Variants in CCDC178 observed in about 807,000 individuals in gnomAD.
CCDC178 encodes coiled-coil domain-containing protein 178.
In CCDC178, 126 loss-of-function variants were observed where a neutral mutation model predicts 117.4. That is an observed-to-expected ratio of 1.07 (90% CI 0.93 to 1.24). The LOEUF (loss-of-function observed/expected upper bound fraction) is 1.24, where lower values mean the gene tolerates loss of function less well. CCDC178 is among the 50% of genes most tolerant of loss of function. The pLI is 0.00. For synonymous variants in CCDC178, 283 were observed against 313.4 expected (o/e 0.90, Z 1.02); for missense variants, 1,030 against 986.9 (o/e 1.04, Z -0.59).
At chr18:33,308,987 A>G (rs1386303517) in intron 11 of CCDC178, among the ~76,000 whole-genome samples, 1 of 152,208 alleles carries the variant, frequency 6.6e-6, no homozygotes, top group Non-Finnish European at 1.5e-5. Flanking sequence ...TAATACAGTA[A>G]GCTTTGATAA....
intron 20 of CCDC178, among the ~76,000 whole-genome samples, chr18:33,182,397 T>G (rs2058742043): frequency 6.6e-6 from 1 of 152,028 alleles, no homozygotes; most frequent in South Asian, 2.1e-4. Context: ...AAGATTACAT[T>G]TTAAAAAATC....
At chr18:33,061,143 C>T (rs1204551417) in intron 21 of CCDC178, among the ~76,000 whole-genome samples, 1 of 151,914 alleles carries the variant, frequency 6.6e-6, no homozygotes, top group Non-Finnish European at 1.5e-5. Flanking sequence ...AATTTTTAAC[C>T]AACAGTTTTA....
At chr18:33,214,548 G>A (rs2059143280) in intron 19 of CCDC178, among the ~76,000 whole-genome samples, 1 of 151,904 alleles carries the variant, frequency 6.6e-6, no homozygotes, top group Non-Finnish European at 1.5e-5. Flanking sequence ...TAATTTTAAT[G>A]TAAGTTATAT....
intron 5 of CCDC178, among the ~76,000 whole-genome samples, chr18:33,386,875 C>T (rs971227792): frequency 5.3e-5 from 8 of 151,672 alleles, no homozygotes; most frequent in African/African-American, 1.7e-4. Flanking sequence ...AGGGCAATCA[C>T]GTAAGGGAAA....
rs564997719 is a variant in CCDC178, at chr18:33,386,117, T to C, written c.208+3423A>G. Among the ~76,000 whole-genome samples, 9 of 152,296 alleles carry C rather than the reference T, an allele frequency of 5.9e-5. No individual in the cohort carries two copies. The South Asian group carries it at 1.7e-3, about 28-fold the overall frequency. On this transcript the variant is annotated intron_variant, in intron 5 of 22. Coordinates refer to ENST00000383096, the MANE Select transcript of CCDC178 (RefSeq NM_001105528.4). ...AATCTACAAGAAATGGATACATTCC[T>C]GGACACATACACCCTCCCAGGTCGG...
chr18:33,060,151 A>G (rs964825121), intron 21 of CCDC178, among the ~76,000 whole-genome samples: 1 of 152,090 alleles, frequency 6.6e-6, no homozygotes. Context: ...GAATTCTGTT[A>G]TTTCCTAAAG....
At chr18:32,950,128 T>G (rs2054448062) in intron 22 of CCDC178, among the ~76,000 whole-genome samples, 1 of 152,192 alleles carries the variant, frequency 6.6e-6, no homozygotes. Flanking sequence ...GGTAGTTTTC[T>G]TAGAAGCATT....
intron 6 of CCDC178, among the ~76,000 whole-genome samples, chr18:33,359,659 T>C (rs965759684): frequency 6.6e-6 from 1 of 151,692 alleles, no homozygotes; most frequent in Non-Finnish European, 1.5e-5. Context: ...ATTTGTGTTA[T>C]GTAGATGCTT....
Position 33,048,463 on chromosome 18 carries a change from G to T in CCDC178, c.2388+44298C>A, listed in dbSNP as rs551237591. Among the ~76,000 whole-genome samples, 3 of 152,210 alleles carry T rather than the reference G, an allele frequency of 2.0e-5. No homozygotes were observed. In the East Asian group the frequency reaches 5.8e-4, roughly 29 times the overall value. ...AATAATTTCTTTCCATTATGAAATA[G>T]AGTCATTCTTGAATTTTTTTTACAT... is the stretch of plus-strand genomic sequence containing the variant. On this transcript the variant is annotated intron_variant, in intron 21 of 22. Transcript: ENST00000383096.
At chr18:33,397,706 C>T (rs1396838917) in intron 3 of CCDC178, among the ~76,000 whole-genome samples, 3 of 151,976 alleles carry the variant, frequency 2.0e-5, no homozygotes, top group Non-Finnish European at 4.4e-5. Context: ...ATCCTCAGTA[C>T]AAAATCAAAG....
intron 20 of CCDC178, among the ~76,000 whole-genome samples, chr18:33,145,007 C>G (rs1207609658): frequency 2.0e-5 from 3 of 152,274 alleles, no homozygotes; most frequent in African/African-American, 7.2e-5. Flanking sequence ...CATTATTTCT[C>G]TCTAACCAAC....
At chr18:33,238,168 C>T (rs911342525) in intron 15 of CCDC178, among the ~76,000 whole-genome samples, 5 of 152,174 alleles carry the variant, frequency 3.3e-5, no homozygotes, top group Non-Finnish European at 2.9e-5. Flanking sequence ...CCCTACATAA[C>T]GTACTCCATA....
At chr18:33,284,309 G>A (rs1367364996) in intron 12 of CCDC178, among the ~76,000 whole-genome samples, 2 of 152,040 alleles carry the variant, frequency 1.3e-5, no homozygotes, top group South Asian at 2.1e-4. Context: ...ATGGGTACCT[G>A]GGTGACAAAA....
chr18:32,946,236 T>C (rs1348121992), intron 22 of CCDC178, among the ~76,000 whole-genome samples: 1 of 152,174 alleles, frequency 6.6e-6, no homozygotes, highest in Non-Finnish European at 1.5e-5. Flanking sequence ...TTGTAGATGG[T>C]TGACTCTCAG....
intron 15 of CCDC178, among the ~76,000 whole-genome samples, chr18:33,235,319 A>G (rs755081323): frequency 3.9e-5 from 6 of 152,086 alleles, no homozygotes; most frequent in Non-Finnish European, 8.8e-5. Context: ...TGAAGCTTTC[A>G]GCTTAACTGA....
chr18:33,320,199 C>A (rs578232380), intron 11 of CCDC178, among the ~76,000 whole-genome samples: 1 of 152,322 alleles, frequency 6.6e-6, no homozygotes, highest in Non-Finnish European at 1.5e-5. Flanking sequence ...GGGATGCCCT[C>A]TCTCACCACT....
chr18:33,105,516 T>G (rs564963631), intron 20 of CCDC178, among the ~76,000 whole-genome samples: 59 of 151,758 alleles, frequency 3.9e-4, no homozygotes, highest in Middle Eastern at 3.4e-3. Flanking sequence ...TTTTATATTT[T>G]AAAAGTGTCC....
chr18:33,100,332 C>T (rs748661265), intron 20 of CCDC178, among the ~76,000 whole-genome samples: 10 of 151,650 alleles, frequency 6.6e-5, no homozygotes, highest in Non-Finnish European at 1.5e-4. Flanking sequence ...CTTTTGTTAA[C>T]CTTGCTTGTT....
At chr18:33,081,224 A>G (rs1240824909) in intron 21 of CCDC178, among the ~76,000 whole-genome samples, 1 of 152,214 alleles carries the variant, frequency 6.6e-6, no homozygotes, top group Admixed American at 6.5e-5. Context: ...TTATTAATAT[A>G]ATTGTTTTAA....
Sources: allele counts gnomAD v4.1 joint callset (sites outside exome capture counted in the v4.1 genomes callset), GRCh38; gene constraint gnomAD v4.1.1; transcripts MANE v1.5; gene names NCBI Gene and HGNC (gene_info 2026-07-23, HGNC 2026-07-21).